The following MAK variants were observed in gnomAD, a reference collection of about 807,000 sequenced individuals.
MAK encodes the protein serine/threonine-protein kinase MAK.
A neutral mutation model predicts 82.6 loss-of-function variants in MAK; 65 were observed. The ratio of observed to expected loss-of-function variants is 0.79; its 90% confidence interval spans 0.64 to 0.97. The LOEUF (loss-of-function observed/expected upper bound fraction) is 0.97, where lower values mean the gene tolerates loss of function less well. Ranked by LOEUF, MAK falls within the 50% of genes least tolerant of loss-of-function variation. The pLI, the probability that MAK is intolerant of heterozygous loss-of-function variation, is 0.00. For synonymous variants in MAK, 250 were observed against 274.2 expected, an observed-to-expected ratio of 0.91 and a Z score of 0.87; for missense variants, 703 against 780.2, an observed-to-expected ratio of 0.90 and a Z score of 1.18.
chr6:10,820,125 T>A lies in MAK; in HGVS notation c.102-1185A>T, dbSNP rs549098153. Among the ~76,000 whole-genome samples, 46 of 151,450 alleles carry A rather than the reference T, an allele frequency of 3.0e-4. No homozygotes were observed. In the East Asian group the frequency reaches 4.8e-3, roughly 16 times the overall value. On this transcript the variant is annotated intron_variant, in intron 2 of 14. Coordinates refer to ENST00000354489, the MANE Select transcript of MAK (RefSeq NM_001242957.3). ...AGACTCTGTCTCAAAAAAAAAAATT[T>A]AAAAAAAACAGGATTCATATTCTAA... is the stretch of plus-strand genomic sequence containing the variant.
chr6:10,823,332 C>G (rs1581761219), intron 2 of MAK, among the ~76,000 whole-genome samples: 1 of 152,280 alleles, frequency 6.6e-6, no homozygotes, highest in East Asian at 1.9e-4. Flanking sequence ...AATTCCATAG[C>G]TGAACTTCTC....
rs1011077361 is a variant in MAK, at chr6:10,763,510, C to T, written c.*942G>A. 2 of 147,616 alleles carry T rather than the reference C, an allele frequency of 1.4e-5. No individual in the cohort carries two copies. Among genetic ancestry groups the T allele is most frequent in the African/African-American group, 5.1e-5 (2 of 39,530 alleles). The allele number at this position is 147,616 out of a possible 1,614,324, so 9.1% of individuals were successfully genotyped here. ...CGTCCACTAAAATCAAGTGGCATAA[C>T]TTTGATATTCTCTATGTTAAAGATA... On this transcript the variant is annotated 3_prime_UTR_variant, in exon 15 of 15. Transcript: ENST00000354489.
chr6:10,772,016 C>G (rs1374009806), intron 13 of MAK, among the ~76,000 whole-genome samples: 1 of 152,154 alleles, frequency 6.6e-6, no homozygotes, highest in East Asian at 1.9e-4. Context: ...GTAAGAATAC[C>G]TAAGGAAATT....
chr6:10,817,693 A>G (rs1191658050), intron 4 of MAK, among the ~76,000 whole-genome samples, 157 bp downstream of exon 4: 1 of 152,240 alleles, frequency 6.6e-6, no homozygotes, highest in Non-Finnish European at 1.5e-5. Context: ...CTGGTTCTTC[A>G]GTGTTAAATG....
At chr6:10,791,513 T>C (rs517970) in intron 10 of MAK, among the ~76,000 whole-genome samples, 162 bp downstream of exon 10, 117,560 of 152,040 alleles carry the variant, frequency 0.77, 45,549 homozygotes, top group East Asian at 0.85. Context: ...GTGATCAACC[T>C]GCCTCGGCCT....
Position 10,817,884 on chromosome 6 carries a change from T to A in MAK, c.244A>T (p.Met82Leu), listed in dbSNP as rs1777614918. Residue 82 changes from methionine to leucine, a missense_variant, in exon 4 of 15, where the codon ATG (methionine) becomes TTG (leucine). Coordinates refer to ENST00000354489, the MANE Select transcript of MAK (RefSeq NM_001242957.3). ...ATTAATTGATAGAGGTTTTCTTTCA[T>A]ATATTCAAATATAAAATAAAGATGG... is the stretch of plus-strand genomic sequence containing the variant. ...NDHLYFIFEY[M>L]KENLYQLMKD... The A allele has an allele frequency of 7.0e-7, 1 of 1,438,266 alleles. No individual in the cohort carries two copies. The highest frequency in any genetic ancestry group is 1.4e-5 in the African/African-American group (1 of 71,298). The allele number at this position is 1,438,266 out of a possible 1,614,324, so 89.1% of individuals were successfully genotyped here.
At chr6:10,831,950 T>A (rs976018260) in intron 1 of MAK, among the ~76,000 whole-genome samples, 2 of 152,178 alleles carry the variant, frequency 1.3e-5, no homozygotes, top group African/African-American at 4.8e-5. Flanking sequence ...ATTTTTTTCT[T>A]TTTTTGAGAC....
chr6:10,796,817 A>T (rs1425116721), intron 8 of MAK, among the ~76,000 whole-genome samples: 1 of 152,106 alleles, frequency 6.6e-6, no homozygotes, highest in African/African-American at 2.4e-5. Context: ...AAAAAAAAAA[A>T]AAAAAAGTAC....
rs117245352 is a variant in MAK, at chr6:10,797,733, C to T, written c.832-1424G>A. On this transcript the variant is annotated intron_variant, in intron 8 of 14. Coordinates refer to ENST00000354489, the MANE Select transcript of MAK (RefSeq NM_001242957.3). The stretch of plus-strand genomic sequence containing the variant: ...ACATAGGTGGGAACATAGCCCTGAC[C>T]AACAGTTAACTCCTCCCATGTGTAA... 1.4e-5 allele frequency: 17 copies of T among 1,186,362 alleles called. No individual in the cohort carries two copies. The East Asian group carries it at 1.0e-3, about 72-fold the overall frequency. The allele number at this position is 1,186,362 out of a possible 1,614,324, so 73.5% of individuals were successfully genotyped here.
chr6:10,790,922 A>C (rs1203468412), intron 10 of MAK, among the ~76,000 whole-genome samples: 1 of 152,158 alleles, frequency 6.6e-6, no homozygotes, highest in East Asian at 1.9e-4. Flanking sequence ...TTGATCGTTT[A>C]AAAGAGTCTG....
intron 7 of MAK, 69 bp from the exon 8 acceptor site, chr6:10,802,128 AAC>A: frequency 2.5e-6 from 3 of 1,210,274 alleles, no homozygotes; most frequent in East Asian, 2.3e-5. Flanking sequence ...CCATTTAAAA[AAC>A]ACAGCAGTAA....
intron 7 of MAK, among the ~76,000 whole-genome samples, chr6:10,803,325 G>T (rs1389157056): frequency 2.6e-5 from 4 of 151,964 alleles, no homozygotes; most frequent in East Asian, 1.9e-4. Context: ...ATCGCAGATC[G>T]CTTGAGCTCA....
chr6:10,804,554 G>A (rs755621697), intron 6 of MAK, among the ~76,000 whole-genome samples: 8 of 152,158 alleles, frequency 5.3e-5, no homozygotes, highest in Non-Finnish European at 1.2e-4. Flanking sequence ...TGTTGGCCAG[G>A]CTGGTCTCGA....
chr6:10,764,810 T>C (rs1038067038), intron 14 of MAK, among the ~76,000 whole-genome samples: 1 of 152,156 alleles, frequency 6.6e-6, no homozygotes, highest in Non-Finnish European at 1.5e-5. Context: ...TTCCAGTAGC[T>C]GGCCGGGCGC....
intron 5 of MAK, among the ~76,000 whole-genome samples, chr6:10,809,884 G>A (rs2005990): frequency 0.06 from 9,099 of 152,110 alleles, 841 homozygotes; most frequent in African/African-American, 0.21. Flanking sequence ...TGGATCATGA[G>A]GTCAGGAGTT....
At chr6:10,797,102 A>C (rs1382737802) in intron 8 of MAK, among the ~76,000 whole-genome samples, 1 of 152,180 alleles carries the variant, frequency 6.6e-6, no homozygotes, top group Non-Finnish European at 1.5e-5. Context: ...CAGCCTGAGT[A>C]CAACAATATA....
At chr6:10,827,269 AC>A (rs1778447064) in intron 2 of MAK, among the ~76,000 whole-genome samples, 1 of 151,894 alleles carries the variant, frequency 6.6e-6, no homozygotes, top group African/African-American at 2.4e-5. Context: ...TGATTCGCCT[AC>A]CCTCCTCCCC....
chr6:10,784,681 G>A, intron 10 of MAK, 109 bp from the exon 11 acceptor site: 1 of 698,202 alleles, frequency 1.4e-6, no homozygotes, highest in South Asian at 2.3e-5. Flanking sequence ...CAGTCAATCT[G>A]ACCTCACTTA....
chr6:10,832,015 C>T (rs908960553), intron 1 of MAK, among the ~76,000 whole-genome samples: 4 of 152,092 alleles, frequency 2.6e-5, no homozygotes, highest in African/African-American at 7.2e-5. Context: ...CTGTAACCTC[C>T]GCCTCCCAGG....
Sources: allele counts gnomAD v4.1 joint callset (sites outside exome capture counted in the v4.1 genomes callset), GRCh38; gene constraint gnomAD v4.1.1; transcripts MANE v1.5; gene names NCBI Gene and HGNC (gene_info 2026-07-23, HGNC 2026-07-21).